The following EYA4 variants were observed in gnomAD, a reference collection of about 807,000 sequenced individuals.
EYA4 encodes protein phosphatase EYA4.
A neutral mutation model predicts 87.9 loss-of-function variants in EYA4; 31 were observed. The ratio of observed to expected loss-of-function variants is 0.35; its 90% CI spans 0.27 to 0.48. The LOEUF (loss-of-function observed/expected upper bound fraction) is 0.48, where lower values mean the gene tolerates loss of function less well. Among genes scored for constraint, EYA4 ranks in the 20% least tolerant of loss-of-function variants. The probability of loss-of-function intolerance (pLI) is 0.99; values close to 1 mark genes in which losing one functional copy is unlikely to be tolerated. For missense variants in EYA4, 678 were observed against 761.4 expected (o/e 0.89, Z 1.29); for synonymous variants, 263 against 270.6 (o/e 0.97, Z 0.28).
intron 2 of EYA4, among the ~76,000 whole-genome samples, chr6:133,372,214 A>G (rs1225344852): frequency 6.6e-6 from 1 of 152,128 alleles, no homozygotes; most frequent in Non-Finnish European, 1.5e-5. Flanking sequence ...TTCTGGTCAC[A>G]TGCTTGTATG....
At chr6:133,289,838 G>C (rs532491554) in intron 2 of EYA4, among the ~76,000 whole-genome samples, 2 of 152,142 alleles carry the variant, frequency 1.3e-5, no homozygotes, top group Non-Finnish European at 2.9e-5. Flanking sequence ...ACTTTGTAAG[G>C]GCTAATCTGT....
intron 3 of EYA4, among the ~76,000 whole-genome samples, chr6:133,427,151 G>A (rs750846486): frequency 1.3e-4 from 20 of 152,058 alleles, no homozygotes; most frequent in African/African-American, 3.4e-4. Context: ...TCATTTCCTC[G>A]GAAGAAAAGC....
At chr6:133,271,447 C>T (rs187827604) in intron 1 of EYA4, among the ~76,000 whole-genome samples, 1 of 152,088 alleles carries the variant, frequency 6.6e-6, no homozygotes, top group Admixed American at 6.5e-5. Context: ...TCCGTGAGTC[C>T]GTGGATGGTA....
intron 9 of EYA4, 67 bp downstream of exon 9, chr6:133,462,831 G>A (rs1794518545): frequency 7.1e-7 from 1 of 1,402,706 alleles, no homozygotes. Flanking sequence ...ATTGGCTTCA[G>A]ACTAGGAATA....
intron 1 of EYA4, among the ~76,000 whole-genome samples, chr6:133,264,539 A>G (rs151265852): frequency 1.3e-5 from 2 of 152,292 alleles, no homozygotes; most frequent in African/African-American, 4.8e-5. Flanking sequence ...GAGAGGAGAG[A>G]GAGGAGGGAT....
chr6:133,307,003 A>G (rs898197558), intron 2 of EYA4, among the ~76,000 whole-genome samples: 23 of 152,218 alleles, frequency 1.5e-4, no homozygotes, highest in Admixed American at 7.9e-4. Flanking sequence ...CAAATATACA[A>G]TTGGGACACT....
intron 13 of EYA4, among the ~76,000 whole-genome samples, chr6:133,483,661 A>G (rs956200454): frequency 4.7e-5 from 7 of 147,468 alleles, no homozygotes; most frequent in Non-Finnish European, 8.9e-5. Flanking sequence ...CTCTCTTGCT[A>G]TTGTTTTTAT....
At chr6:133,454,337 A>G (rs572173684) in intron 5 of EYA4, among the ~76,000 whole-genome samples, 8 of 152,308 alleles carry the variant, frequency 5.3e-5, no homozygotes, top group Non-Finnish European at 1.0e-4. Context: ...AATTGTAAAC[A>G]TTGCGTGAAA....
chr6:133,266,066 A>G (rs1776198141), intron 1 of EYA4, among the ~76,000 whole-genome samples: 1 of 152,204 alleles, frequency 6.6e-6, no homozygotes, highest in South Asian at 2.1e-4. Flanking sequence ...ATGTGTGGTG[A>G]GTAAATTGTG....
At chr6:133,514,509 A>G (rs1583525575) in intron 16 of EYA4, among the ~76,000 whole-genome samples, 1 of 152,326 alleles carries the variant, frequency 6.6e-6, no homozygotes, top group Admixed American at 6.5e-5. Flanking sequence ...CTCTATTATA[A>G]TGAGGACAAA....
intron 1 of EYA4, among the ~76,000 whole-genome samples, chr6:133,269,860 CA>C (rs1310524811): frequency 6.6e-6 from 1 of 152,144 alleles, no homozygotes; most frequent in Non-Finnish European, 1.5e-5. Flanking sequence ...TTACCCTTAA[CA>C]ATCACAGGGT....
At chr6:133,272,719 T>C (rs925516496) in intron 1 of EYA4, among the ~76,000 whole-genome samples, 10 of 152,126 alleles carry the variant, frequency 6.6e-5, no homozygotes, top group African/African-American at 1.9e-4. Context: ...TCAAGCACCA[T>C]TGGATCTGCT....
chr6:133,246,036 T>C (rs1472740732), intron 1 of EYA4, among the ~76,000 whole-genome samples: 1 of 152,206 alleles, frequency 6.6e-6, no homozygotes, highest in Non-Finnish European at 1.5e-5. Flanking sequence ...GAAAAAGAGA[T>C]GAAACTGATT....
In EYA4 at chr6:133,483,912, CG is replaced by C. The variant is rs748544957; in HGVS notation, c.1191+801del. The stretch of plus-strand genomic sequence containing the variant: ...CTAATTTTTGTATTTTTAGTAGAGA[CG>C]GGGTTTCACCATGTTGGCCAGGCTG... On this transcript the variant is annotated intron_variant, in intron 13 of 19. Coordinates refer to ENST00000355286, the MANE Select transcript of EYA4 (RefSeq NM_004100.5). Among the ~76,000 whole-genome samples the C allele has an allele frequency of 9.9e-5, 15 of 151,834 alleles. No homozygotes were observed. In the East Asian group the frequency reaches 2.5e-3, roughly 26 times the overall value.
chr6:133,486,583 T>C (rs1796705213), intron 13 of EYA4, among the ~76,000 whole-genome samples: 1 of 152,128 alleles, frequency 6.6e-6, no homozygotes, highest in South Asian at 2.1e-4. Flanking sequence ...TTTCAGGTAT[T>C]GGTGACTTCT....
intron 3 of EYA4, among the ~76,000 whole-genome samples, chr6:133,412,960 T>G (rs1789372371): frequency 6.6e-6 from 1 of 152,120 alleles, no homozygotes; most frequent in Admixed American, 6.5e-5. Context: ...TACACTCCCT[T>G]CCATTAGATA....
At chr6:133,438,984 G>A (rs1055987411) in intron 3 of EYA4, among the ~76,000 whole-genome samples, 9 of 139,334 alleles carry the variant, frequency 6.5e-5, no homozygotes, top group Admixed American at 6.3e-4. Flanking sequence ...AGAGCTTGCA[G>A]TGAGCCAAGA....
chr6:133,306,736 T>C (rs1779839801), intron 2 of EYA4, among the ~76,000 whole-genome samples: 1 of 152,208 alleles, frequency 6.6e-6, no homozygotes, highest in Non-Finnish European at 1.5e-5. Context: ...CATATTTAAA[T>C]AGTTATTTCT....
chr6:133,375,553 T>G (rs1017311817), intron 2 of EYA4, among the ~76,000 whole-genome samples: 9 of 152,008 alleles, frequency 5.9e-5, no homozygotes, highest in African/African-American at 2.2e-4. Context: ...GGATATATTT[T>G]AATTCATATG....
Sources: allele counts gnomAD v4.1 joint callset (sites outside exome capture counted in the v4.1 genomes callset), GRCh38; gene constraint gnomAD v4.1.1; transcripts MANE v1.5; gene names NCBI Gene and HGNC (gene_info 2026-07-23, HGNC 2026-07-21).